The following SENP7 variants were observed in gnomAD, a reference collection of about 807,000 sequenced individuals.
The protein encoded by SENP7 is sentrin-specific protease 7.
In SENP7, 64 loss-of-function variants were observed where a neutral mutation model predicts 141.2. The observed-to-expected ratio is 0.45, with a 90% CI of 0.37 to 0.56. The LOEUF (loss-of-function observed/expected upper bound fraction) is 0.56, where lower values mean the gene tolerates loss of function less well. Ranked by LOEUF, SENP7 falls within the 20% of genes least tolerant of loss-of-function variation. The probability of loss-of-function intolerance (pLI) is 0.00; values close to 1 mark genes in which losing one functional copy is unlikely to be tolerated. For synonymous variants in SENP7, 382 were observed against 426.4 expected, an observed-to-expected ratio of 0.90 and a Z score of 1.28; for missense variants, 1,025 against 1,212.2, an observed-to-expected ratio of 0.85 and a Z score of 2.29.
chr3:101,419,171 C>CA (rs924311809), intron 4 of SENP7, among the ~76,000 whole-genome samples: 57 of 152,056 alleles, frequency 3.7e-4, no homozygotes, highest in Admixed American at 1.5e-3. Context: ...GAGAAAGGTC[C>CA]AAAAAACAGG....
At chr3:101,404,551 A>G (rs2107602928) in intron 5 of SENP7, among the ~76,000 whole-genome samples, 1 of 152,328 alleles carries the variant, frequency 6.6e-6, no homozygotes, top group Middle Eastern at 3.4e-3. Flanking sequence ...AGCAATTGCA[A>G]CAAAAGCAAA....
chr3:101,337,353 G>T, intron 17 of SENP7, 156 bp downstream of exon 17: 1 of 442,892 alleles, frequency 2.3e-6, no homozygotes, highest in Non-Finnish European at 4.0e-6. Context: ...AACAGTGGAA[G>T]GATGAGAAAT....
At chr3:101,448,712 A>G (rs573947137) in intron 4 of SENP7, among the ~76,000 whole-genome samples, 4 of 152,346 alleles carry the variant, frequency 2.6e-5, no homozygotes, top group Admixed American at 1.3e-4. Flanking sequence ...CATCCACACC[A>G]AAACCCCATC....
chr3:101,417,818 T>A (rs772327617), intron 4 of SENP7, 28 bp from the exon 5 acceptor site: 1 of 1,509,614 alleles, frequency 6.6e-7, no homozygotes, highest in Non-Finnish European at 9.2e-7. Context: ...AATTAGTATA[T>A]ATGGTACTAC....
chr3:101,399,076 C>T (rs757975858), intron 5 of SENP7, 21 bp from the exon 6 acceptor site: 16 of 1,559,036 alleles, frequency 1.0e-5, no homozygotes, highest in African/African-American at 1.4e-5. Flanking sequence ...GAATAACAAA[C>T]ACTGTACTGT....
At chr3:101,512,999 G>C in intron 1 of SENP7, 92 bp downstream of exon 1, 7 of 1,335,276 alleles carry the variant, frequency 5.2e-6, no homozygotes, top group African/African-American at 1.5e-5. Context: ...TCGCCCCCGC[G>C]GCTTCGGGCC....
In SENP7 at chr3:101,347,962, T is replaced by C; in HGVS notation, c.1747A>G (p.Arg583Gly). ...WKSKDDNHSK[R>G]SHAILFFWVS... ...CAGAAGAAAAGAATAGCATGACTCC[T>C]TTTACTGTGATTATCATCCTTACTT... Residue 583 changes from arginine to glycine, a missense_variant, in exon 13 of 24, where the codon AGG (arginine) becomes GGG (glycine). Physicochemically the swap from Arg to Gly is moderately radical, Grantham distance 125 (BLOSUM62 -2). Transcript: ENST00000394095. The C allele has an allele frequency of 6.2e-7, 1 of 1,610,000 alleles. No homozygotes were observed. Among genetic ancestry groups the C allele is most frequent in the Non-Finnish European group, 8.5e-7 (1 of 1,177,056 alleles).
At position 101,343,721 on chromosome 3, in the gene SENP7, C is replaced by T; in HGVS notation, c.2071G>A (p.Val691Ile). ...STCSFPAGVAVAEEMKLKSVS... is the reference protein window; with the variant it reads ...STCSFPAGVAIAEEMKLKSVS... ...GATTTCAGCTTCATTTCTTCAGCAA[C>T]AGCAACACCAGCAGGGAAAGAACAA... Residue 691 changes from valine to isoleucine, a missense_variant, in exon 14 of 24, where the codon GTT (valine) becomes ATT (isoleucine). Val to Ile is a conservative substitution (Grantham distance 29, BLOSUM62 3). Transcript: ENST00000394095. 6.2e-7 allele frequency: 1 copy of T among 1,612,876 alleles called. No individual in the cohort carries two copies. Among genetic ancestry groups the T allele is most frequent in the Non-Finnish European group, 8.5e-7 (1 of 1,179,550 alleles).
rs527507373 is a variant in SENP7, at chr3:101,462,328, G to C, written c.187-3276C>G. Reference sequence around the variant, plus strand: ...AGGCTGAGGCTGGCAGATCACCTCAGGTCATGAGTTTGAGACCAGCCTGAC... The same window carrying C: ...AGGCTGAGGCTGGCAGATCACCTCACGTCATGAGTTTGAGACCAGCCTGAC... On this transcript the variant is annotated intron_variant, in intron 3 of 23. Transcript: ENST00000394095. 1.4e-4 allele frequency among the ~76,000 whole-genome samples: 22 copies of C among 152,128 alleles called. No individual in the cohort carries two copies. The South Asian group carries it at 4.4e-3, about 30-fold the overall frequency.
intron 18 of SENP7, 22 bp from the exon 19 acceptor site, chr3:101,332,131 C>T (rs2059072921): frequency 1.2e-6 from 2 of 1,608,842 alleles, no homozygotes. Context: ...GAACTACAAT[C>T]TTAATACCAT....
At chr3:101,342,876 A>G (rs1388114422) in intron 14 of SENP7, among the ~76,000 whole-genome samples, 2 of 151,940 alleles carry the variant, frequency 1.3e-5, no homozygotes, top group Non-Finnish European at 2.9e-5. Flanking sequence ...ATGTTGGCCA[A>G]GATGGTCTCA....
chr3:101,499,902 A>G (rs1188558432), intron 2 of SENP7, among the ~76,000 whole-genome samples: 1 of 151,986 alleles, frequency 6.6e-6, no homozygotes, highest in Non-Finnish European at 1.5e-5. Flanking sequence ...CTCCTGACCT[A>G]AGATGATCCG....
rs146346226 is a variant in SENP7 at position 101,463,742 on chromosome 3, C to G, written c.187-4690G>C. Among the ~76,000 whole-genome samples the G allele has an allele frequency of 5.3e-3, 811 of 152,000 alleles. 2 individuals are homozygous for G. The highest frequency in any genetic ancestry group is 8.8e-3 in the Non-Finnish European group (595 of 67,992). ...TCAACAACTCACAAAAGATGAGTAT[C>G]AAGAGCAGCCAAGTAGAAGAAGACA... On this transcript the variant is annotated intron_variant, in intron 3 of 23. Transcript: ENST00000394095.
intron 1 of SENP7, 39 bp from the exon 2 acceptor site, chr3:101,501,158 C>T (rs781098970): frequency 1.5e-6 from 2 of 1,364,526 alleles, no homozygotes; most frequent in Non-Finnish European, 2.1e-6. Flanking sequence ...TATCGTTTAA[C>T]ATCTAAATGA....
intron 6 of SENP7, among the ~76,000 whole-genome samples, chr3:101,391,678 A>G (rs375257698): frequency 1.2e-4 from 18 of 152,182 alleles, no homozygotes; most frequent in East Asian, 5.8e-4. Flanking sequence ...AACTAACACC[A>G]ATTCTTCTCA....
intron 6 of SENP7, among the ~76,000 whole-genome samples, chr3:101,379,393 A>C (rs1446541573): frequency 6.6e-6 from 1 of 152,222 alleles, no homozygotes; most frequent in African/African-American, 2.4e-5. Flanking sequence ...ACTTCATCAG[A>C]GTAAAAAGGC....
At position 101,361,771 on chromosome 3, in the gene SENP7, T is replaced by G. The variant is rs1335970306; in HGVS notation, c.1567A>C (p.Ile523Leu). The G allele has an allele frequency of 1.2e-6, 2 of 1,607,042 alleles. No homozygotes were observed. The highest frequency in any genetic ancestry group is 1.7e-6 in the Non-Finnish European group (2 of 1,177,634). ...TTACCAATATAAACAGAAGTAAATA[T>G]AAAATCCAGTTGTAGATCCATCTCA... ...SNEMDLQLDF[I>L]FTSVYIGKIK... is the part of the protein sequence containing the mutation. Residue 523 changes from isoleucine to leucine, a missense_variant, in exon 11 of 24, where the codon ATA (isoleucine) becomes CTA (leucine). By Grantham distance (5) the Ile-to-Leu change is conservative (BLOSUM62 2). Around this residue, in one of 4 missense-constraint regions of SENP7, gnomAD observed 228 missense variants for 228.5 expected, o/e 1.00. Transcript: ENST00000394095.
intron 5 of SENP7, among the ~76,000 whole-genome samples, chr3:101,416,943 G>A (rs149851118): frequency 2.1e-3 from 315 of 152,108 alleles, no homozygotes; most frequent in Admixed American, 4.6e-3. Flanking sequence ...ATTGTAAATC[G>A]TGATGTATAA....
At position 101,366,578 on chromosome 3, in the gene SENP7, G is replaced by A; in HGVS notation, c.1170C>T (p.Thr390=). 4 of 1,613,894 alleles carry A rather than the reference G, an allele frequency of 2.5e-6. No individual in the cohort carries two copies. The highest frequency in any genetic ancestry group is 3.4e-6 in the Non-Finnish European group (4 of 1,179,854). ...AATTAGAGTTCTCAACGGTTTCAGT[G>A]GTTGAACCGGCAGAGGCACTTTTGG... ...NATKSASAGS[T]TETVENSNSI... is the part of the protein sequence containing the mutation. Residue 390 remains threonine (T), a synonymous_variant, in exon 9 of 24, where the codon ACC becomes ACT. Coordinates refer to ENST00000394095, the MANE Select transcript of SENP7 (RefSeq NM_020654.5).
Sources: gnomAD v4.1 joint callset for allele counts (sites outside exome capture counted in the v4.1 genomes callset) on GRCh38, gnomAD v4.1.1 for gene constraint, gnomAD v4.1.1 regional missense constraint, MANE v1.5 for transcripts, NCBI Gene and HGNC (gene_info 2026-07-23, HGNC 2026-07-21) for gene names.